OPCML: variants seen among roughly 807,000 people sequenced by gnomAD.
OPCML encodes opioid-binding protein/cell adhesion molecule.
In OPCML, 13 loss-of-function variants were observed where a neutral mutation model predicts 37.8. The observed-to-expected ratio is 0.34, with a 90% CI of 0.22 to 0.55. The LOEUF (loss-of-function observed/expected upper bound fraction) is 0.55, where lower values mean the gene tolerates loss of function less well. Among genes scored for constraint, OPCML ranks in the 20% least tolerant of loss-of-function variants. The pLI is 0.91. For synonymous variants in OPCML, 176 were observed against 168.8 expected (o/e 1.04, Z -0.33); for missense variants, 341 against 435.6 (o/e 0.78, Z 1.93).
chr11:132,796,907 A>T (rs1177344862), intron 2 of OPCML, among the ~76,000 whole-genome samples: 1 of 152,100 alleles, frequency 6.6e-6, no homozygotes, highest in Non-Finnish European at 1.5e-5. Flanking sequence ...AGTCATTTGT[A>T]CATCTTTGGA....
At chr11:132,874,641 T>G (rs556863004) in intron 2 of OPCML, among the ~76,000 whole-genome samples, 69 of 152,266 alleles carry the variant, frequency 4.5e-4, no homozygotes, top group Non-Finnish European at 7.5e-4. Context: ...TTACCACTAA[T>G]CAGAATAGAC....
At chr11:132,947,288 G>A (rs1477682345) in intron 1 of OPCML, among the ~76,000 whole-genome samples, 1 of 152,224 alleles carries the variant, frequency 6.6e-6, no homozygotes, top group African/African-American at 2.4e-5. Flanking sequence ...GGGCAGAAGC[G>A]AGGTGTAAAT....
intron 1 of OPCML, among the ~76,000 whole-genome samples, chr11:133,036,989 CCA>C (rs1404363763): frequency 6.6e-6 from 1 of 152,170 alleles, no homozygotes; most frequent in Non-Finnish European, 1.5e-5. Flanking sequence ...TCCTCCCTCC[CCA>C]CAGTGTTCTG....
intron 1 of OPCML, among the ~76,000 whole-genome samples, chr11:133,029,717 A>G (rs1947630288): frequency 6.6e-6 from 1 of 152,080 alleles, no homozygotes; most frequent in Admixed American, 6.5e-5. Context: ...TAGGGTTTCA[A>G]AAAGTGTGAG....
chr11:133,370,599 A>G (rs1011585150), intron 1 of OPCML, among the ~76,000 whole-genome samples: 6 of 152,148 alleles, frequency 3.9e-5, no homozygotes, highest in East Asian at 1.9e-4. Context: ...ACACAAATAA[A>G]TGGAAAGACA....
At chr11:133,439,221 G>A (rs182104938) in intron 1 of OPCML, 13 of 928,668 alleles carry the variant, frequency 1.4e-5, no homozygotes, top group Admixed American at 1.2e-4. Context: ...CAGGTCCTAT[G>A]CTAGCCCCAG....
chr11:132,719,936 C>T (rs774191842), intron 2 of OPCML, among the ~76,000 whole-genome samples: 17 of 152,120 alleles, frequency 1.1e-4, no homozygotes, highest in African/African-American at 2.2e-4. Flanking sequence ...GTCTCATGTG[C>T]GAAACCGTTT....
intron 3 of OPCML, among the ~76,000 whole-genome samples, chr11:132,586,743 G>T (rs1190232118): frequency 6.6e-6 from 1 of 152,144 alleles, no homozygotes; most frequent in Non-Finnish European, 1.5e-5. Context: ...TACATTGGAG[G>T]CTCTGGTAAG....
intron 1 of OPCML, among the ~76,000 whole-genome samples, chr11:133,213,470 T>A (rs151252733): frequency 6.6e-6 from 1 of 152,216 alleles, no homozygotes; most frequent in Non-Finnish European, 1.5e-5. Context: ...CAAGTGTGAC[T>A]GTCCTCAGAC....
At chr11:132,832,777 C>T (rs1940770990) in intron 2 of OPCML, among the ~76,000 whole-genome samples, 1 of 152,164 alleles carries the variant, frequency 6.6e-6, no homozygotes, top group Non-Finnish European at 1.5e-5. Context: ...CACACCTAGG[C>T]TACACGGGAG....
chr11:132,866,321 A>C (rs977830152), intron 2 of OPCML, among the ~76,000 whole-genome samples: 11 of 152,230 alleles, frequency 7.2e-5, no homozygotes, highest in African/African-American at 2.7e-4. Flanking sequence ...AGGGGATGCT[A>C]TAAAGCGCAT....
chr11:132,688,333 C>T (rs1396905588), intron 2 of OPCML, among the ~76,000 whole-genome samples: 3 of 152,124 alleles, frequency 2.0e-5, no homozygotes. Flanking sequence ...CAGTAAATGA[C>T]AAACATGAGG....
At chr11:132,652,603 G>T (rs140629439) in intron 3 of OPCML, among the ~76,000 whole-genome samples, 1 of 152,130 alleles carries the variant, frequency 6.6e-6, no homozygotes, top group South Asian at 2.1e-4. Context: ...TGGAGATAAC[G>T]GTCACTGCAC....
chr11:133,000,265 A>G (rs1266621332), intron 1 of OPCML, among the ~76,000 whole-genome samples: 1 of 151,754 alleles, frequency 6.6e-6, no homozygotes, highest in Non-Finnish European at 1.5e-5. Context: ...GGCACGCACC[A>G]CCGCACCCAA....
intron 3 of OPCML, among the ~76,000 whole-genome samples, chr11:132,557,263 A>G (rs886697884): frequency 6.6e-6 from 1 of 152,182 alleles, no homozygotes; most frequent in African/African-American, 2.4e-5. Context: ...GCCGATTGAC[A>G]GTGGTGGATT....
chr11:132,544,926 C>G (rs985129070), intron 3 of OPCML, among the ~76,000 whole-genome samples: 2 of 152,112 alleles, frequency 1.3e-5, no homozygotes, highest in Non-Finnish European at 2.9e-5. Context: ...AAAGGACCGC[C>G]CCATTCCAGT....
At chr11:132,610,563 C>T (rs1334833773) in intron 3 of OPCML, among the ~76,000 whole-genome samples, 1 of 152,146 alleles carries the variant, frequency 6.6e-6, no homozygotes, top group African/African-American at 2.4e-5. Flanking sequence ...TCGGTGAGAG[C>T]AACTTTTGCA....
At chr11:133,103,134 G>A (rs1472386715) in intron 1 of OPCML, among the ~76,000 whole-genome samples, 1 of 152,162 alleles carries the variant, frequency 6.6e-6, no homozygotes, top group Non-Finnish European at 1.5e-5. Flanking sequence ...ATAGTGATCT[G>A]GGGATTCCTA....
At chr11:133,486,165 C>T (rs1190182237) in intron 1 of OPCML, among the ~76,000 whole-genome samples, 1 of 152,072 alleles carries the variant, frequency 6.6e-6, no homozygotes, top group Non-Finnish European at 1.5e-5. Context: ...GGAACCTAAC[C>T]CTGTATTTTC....
Sources: gnomAD v4.1 joint callset for allele counts (sites outside exome capture counted in the v4.1 genomes callset) on GRCh38, gnomAD v4.1.1 for gene constraint, MANE v1.5 for transcripts, NCBI Gene and HGNC (gene_info 2026-07-23, HGNC 2026-07-21) for gene names.